Variants in OR1B1 observed in about 807,000 individuals in gnomAD.
OR1B1 encodes the protein olfactory receptor 1B1.
For synonymous variants in OR1B1, 168 were observed against 156.2 expected (o/e 1.08, Z -0.57); for missense variants, 414 against 402.1 (o/e 1.03, Z -0.25).
chr9:122,636,582 C>T, the OR1B1 span, among the ~76,000 whole-genome samples: 5 of 152,170 alleles, frequency 3.3e-5, no homozygotes, highest in African/African-American at 1.2e-4. Flanking sequence ...TGCCATTGCA[C>T]TCCAGCCTGG....
chr9:122,639,263 GA>G, the OR1B1 span, among the ~76,000 whole-genome samples: 1 of 152,038 alleles, frequency 6.6e-6, no homozygotes. Flanking sequence ...ATTCCAAAAA[GA>G]ATATTGTCAA....
chr9:122,631,884 T>G (rs7859683), upstream of OR1B1, among the ~76,000 whole-genome samples: 71,742 of 152,000 alleles, frequency 0.47, 17,357 homozygotes, highest in Non-Finnish European at 0.51. Flanking sequence ...GAAGGAAAAG[T>G]GCTTTCCATG....
chr9:122,648,615 CAGAG>C, the OR1B1 span, among the ~76,000 whole-genome samples: 6 of 152,258 alleles, frequency 3.9e-5, no homozygotes, highest in African/African-American at 1.4e-4. Context: ...AACAGACAAA[CAGAG>C]AGCCAAATCA....
chr9:122,628,586 T>C, exon 1 of OR1B1: 4 of 1,592,740 alleles, frequency 2.5e-6, no homozygotes, highest in Non-Finnish European at 3.4e-6. Flanking sequence ...TAATCAGGGG[T>C]CTACCTTCAC....
At chr9:122,628,795 A>G in exon 1 of OR1B1, 7 of 1,614,150 alleles carry the variant, frequency 4.3e-6, no homozygotes, top group Non-Finnish European at 5.9e-6. Context: ...GGTGGGATCC[A>G]CAGGTGGAGA....
At position 122,628,777 on chromosome 9, in the gene OR1B1, C is replaced by T. The variant is rs145212907; in HGVS notation, c.759G>A (p.Met253Ile). Residue 253 changes from methionine to isoleucine, a missense_variant, in exon 1 of 1, where the codon ATG (methionine) becomes ATA (isoleucine). Physicochemically the swap from Met to Ile is conservative, Grantham distance 10 (BLOSUM62 1). Transcript: ENST00000623530. Reference sequence around the variant, plus strand: ...TGATGGTGCCGTAGAGGAAACCAACCATGGTGAGGTGGGATCCACAGGTGG... The same window carrying T: ...TGATGGTGCCGTAGAGGAAACCAACTATGGTGAGGTGGGATCCACAGGTGG... 58 of 1,614,100 alleles carry T rather than the reference C, an allele frequency of 3.6e-5. No individual in the cohort carries two copies. The African/African-American group carries it at 6.5e-4, about 18-fold the overall frequency.
the OR1B1 span, among the ~76,000 whole-genome samples, chr9:122,643,868 AC>A: frequency 6.6e-6 from 1 of 152,168 alleles, no homozygotes; most frequent in African/African-American, 2.4e-5. Flanking sequence ...CCAAAAGGGA[AC>A]CCACTGTCTT....
the OR1B1 span, among the ~76,000 whole-genome samples, chr9:122,641,430 A>G: frequency 6.6e-6 from 1 of 152,232 alleles, no homozygotes; most frequent in Admixed American, 6.5e-5. Context: ...GGTTAGAGAC[A>G]TAGAAATGAA....
At chr9:122,634,497 G>T (rs927028036), upstream of OR1B1, among the ~76,000 whole-genome samples, 2 of 152,152 alleles carry the variant, frequency 1.3e-5, no homozygotes, top group African/African-American at 4.8e-5. Context: ...GGGCAAAGGA[G>T]AAGCAAGTAC....
At chr9:122,653,649 A>C in the OR1B1 span, among the ~76,000 whole-genome samples, 1 of 152,122 alleles carries the variant, frequency 6.6e-6, no homozygotes, top group Non-Finnish European at 1.5e-5. Context: ...CACCCACCAT[A>C]GCACTTCCCC....
At chr9:122,631,224 T>A (rs1321678200), upstream of OR1B1, among the ~76,000 whole-genome samples, 1 of 152,014 alleles carries the variant, frequency 6.6e-6, no homozygotes, top group Admixed American at 6.5e-5. Flanking sequence ...TCGCCCAGGC[T>A]GGAGTGCAGT....
chr9:122,630,971 G>T (rs1830197870), upstream of OR1B1, among the ~76,000 whole-genome samples: 1 of 152,036 alleles, frequency 6.6e-6, no homozygotes, highest in South Asian at 2.1e-4. Flanking sequence ...CTCCCAAAGT[G>T]CTGGGATTAC....
chr9:122,641,131 G>C, the OR1B1 span, among the ~76,000 whole-genome samples: 1 of 152,244 alleles, frequency 6.6e-6, no homozygotes, highest in African/African-American at 2.4e-5. Context: ...TCATAACAGG[G>C]TATAGTGCAT....
the OR1B1 span, among the ~76,000 whole-genome samples, chr9:122,657,147 G>C: frequency 1.3e-5 from 2 of 152,010 alleles, no homozygotes; most frequent in African/African-American, 4.8e-5. Flanking sequence ...GAGGCTTTTA[G>C]TATGAGGTTT....
At chr9:122,630,068 C>T (rs150941995), upstream of OR1B1, among the ~76,000 whole-genome samples, 12 of 152,154 alleles carry the variant, frequency 7.9e-5, no homozygotes, top group African/African-American at 2.7e-4. Flanking sequence ...AGGTCTGGAA[C>T]AAGACAAGGA....
chr9:122,654,318 T>G, the OR1B1 span, among the ~76,000 whole-genome samples: 1 of 152,166 alleles, frequency 6.6e-6, no homozygotes, highest in Non-Finnish European at 1.5e-5. Flanking sequence ...GAACCACAAC[T>G]TGGAGAAGGT....
upstream of OR1B1, among the ~76,000 whole-genome samples, chr9:122,630,927 C>T (rs1008357089): frequency 6.6e-6 from 1 of 152,064 alleles, no homozygotes; most frequent in Non-Finnish European, 1.5e-5. Flanking sequence ...AGGCTAGTCT[C>T]GAACTCCTGA....
chr9:122,632,056 G>T (rs1050203063), upstream of OR1B1, among the ~76,000 whole-genome samples: 2 of 152,112 alleles, frequency 1.3e-5, no homozygotes, highest in African/African-American at 4.8e-5. Flanking sequence ...AAACTTCTCA[G>T]TGACTTATAG....
the OR1B1 span, among the ~76,000 whole-genome samples, chr9:122,657,180 C>G: frequency 1.1e-4 from 17 of 152,044 alleles, no homozygotes; most frequent in Non-Finnish European, 2.2e-4. Flanking sequence ...AAATCAGAGA[C>G]TTTCTGGCCA....
Sources: allele counts gnomAD v4.1 joint callset (sites outside exome capture counted in the v4.1 genomes callset), GRCh38; gene constraint gnomAD v4.1.1; transcripts MANE v1.5; gene names NCBI Gene and HGNC (gene_info 2026-07-23, HGNC 2026-07-21).